The following TATDN1 variants were observed in gnomAD, a reference collection of about 807,000 sequenced individuals.
The protein encoded by TATDN1 is deoxyribonuclease TATDN1.
Under a neutral mutation model 46.4 loss-of-function variants are expected in TATDN1, and 40 were observed. The observed-to-expected ratio is 0.86, with a 90% CI of 0.67 to 1.12. TATDN1 has a LOEUF of 1.12. Among genes scored for constraint, TATDN1 ranks in the 50% most tolerant of loss-of-function variants. The pLI, the probability that TATDN1 is intolerant of heterozygous loss-of-function variation, is 0.00. For synonymous variants in TATDN1, 95 were observed against 105.6 expected, an observed-to-expected ratio of 0.90 and a Z score of 0.62; for missense variants, 326 against 348.4, an observed-to-expected ratio of 0.94 and a Z score of 0.51.
intron 9 of TATDN1, among the ~76,000 whole-genome samples, chr8:124,501,988 A>G (rs1451795507): frequency 1.3e-5 from 2 of 152,210 alleles, no homozygotes; most frequent in Non-Finnish European, 2.9e-5. Flanking sequence ...GACAGTATAA[A>G]TTCTCAATGA....
chr8:124,538,366 C>T (rs980418359), intron 1 of TATDN1: 2 of 153,066 alleles, frequency 1.3e-5, no homozygotes, highest in Non-Finnish European at 2.9e-5. Context: ...TGTCATTTCC[C>T]ACCTTCAGGT....
intron 1 of TATDN1, among the ~76,000 whole-genome samples, chr8:124,536,766 CT>C (rs1220884362): frequency 6.6e-6 from 1 of 152,054 alleles, no homozygotes; most frequent in Non-Finnish European, 1.5e-5. Context: ...TTGTTCAGAA[CT>C]CATTATTAGG....
chr8:124,498,982 TGGG>T (rs1375950769), intron 9 of TATDN1, among the ~76,000 whole-genome samples: 5 of 142,226 alleles, frequency 3.5e-5, no homozygotes, highest in Non-Finnish European at 6.1e-5. Context: ...ATTTAAGAGA[TGGG>T]GGTCTCATTA....
rs1033070013 is a variant in TATDN1, at chr8:124,522,820, G to A, written c.88+117C>T. 2.2e-5 allele frequency: 19 copies of A among 865,354 alleles called. No homozygotes were observed. The East Asian group carries it at 4.6e-4, about 21-fold the overall frequency. The allele number at this position is 865,354 out of a possible 1,614,324, so 53.6% of individuals were successfully genotyped here. A position where few individuals can be genotyped will look rare whatever the true frequency, so the allele number is the denominator to read the frequency against. On this transcript the variant is annotated intron_variant, in intron 2 of 11. Transcript: ENST00000276692. ...TCCTCCTGCCTCAGACTCCCAAAGTGCTGAGATTACAGGTGTGAGCCACAA... is the reference window on the plus strand; with the variant it reads ...TCCTCCTGCCTCAGACTCCCAAAGTACTGAGATTACAGGTGTGAGCCACAA...
Position 124,539,013 on chromosome 8 carries a change from C to T in TATDN1, c.22+12G>A. The T allele has an allele frequency of 1.2e-6, 2 of 1,614,154 alleles. No homozygotes were observed. Among genetic ancestry groups the T allele is most frequent in the Non-Finnish European group, 1.7e-6 (2 of 1,180,016 alleles). ...CAGAAAGACCCAAGGGCGTGGAAAA[C>T]GCTCCTCTTACCGATAAACTTGAAG... On this transcript the variant is annotated intron_variant, in intron 1 of 11. Coordinates refer to ENST00000276692, the MANE Select transcript of TATDN1 (RefSeq NM_032026.4).
intron 11 of TATDN1, among the ~76,000 whole-genome samples, chr8:124,492,655 G>A (rs1193532060): frequency 6.6e-6 from 1 of 150,818 alleles, no homozygotes; most frequent in East Asian, 2.0e-4. Context: ...TTGGGAGGCT[G>A]AGGCAGGAGA....
At chr8:124,507,950 T>C (rs1161792537) in intron 8 of TATDN1, among the ~76,000 whole-genome samples, 1 of 152,246 alleles carries the variant, frequency 6.6e-6, no homozygotes, top group Non-Finnish European at 1.5e-5. Context: ...ACAGTAAATT[T>C]ACATGTCTTT....
At chr8:124,512,820 A>G (rs1819139382) in intron 6 of TATDN1, among the ~76,000 whole-genome samples, 1 of 152,198 alleles carries the variant, frequency 6.6e-6, no homozygotes, top group African/African-American at 2.4e-5. Context: ...AACAGATTGC[A>G]TGCTGTGAGT....
intron 9 of TATDN1, among the ~76,000 whole-genome samples, chr8:124,496,280 C>A (rs1400242149): frequency 6.6e-6 from 1 of 152,202 alleles, no homozygotes; most frequent in Non-Finnish European, 1.5e-5. Context: ...TATGCTCCCA[C>A]TCTCAAAATT....
At chr8:124,533,079 C>T (rs1430794001) in intron 1 of TATDN1, among the ~76,000 whole-genome samples, 4 of 151,970 alleles carry the variant, frequency 2.6e-5, no homozygotes, top group African/African-American at 7.3e-5. Flanking sequence ...GGTAAAACCC[C>T]GTCTCTACTA....
intron 11 of TATDN1, among the ~76,000 whole-genome samples, chr8:124,490,902 C>T (rs1334709373): frequency 6.6e-6 from 1 of 152,002 alleles, no homozygotes; most frequent in East Asian, 1.9e-4. Flanking sequence ...CCTGCCTCAG[C>T]CTCCCAAGTA....
intron 1 of TATDN1, among the ~76,000 whole-genome samples, chr8:124,527,475 A>G (rs1472439411): frequency 2.0e-5 from 3 of 152,040 alleles, no homozygotes; most frequent in Non-Finnish European, 4.4e-5. Context: ...TCAGCAGAGG[A>G]GTGAGTCTTG....
rs557721840 is a variant in TATDN1, at chr8:124,524,802, G to C, written c.23-1800C>G. Among the ~76,000 whole-genome samples, 23 of 152,200 alleles carry C rather than the reference G, an allele frequency of 1.5e-4. No homozygotes were observed. The East Asian group carries it at 3.9e-3, about 26-fold the overall frequency. ...ATCAACAGATGAAAAATTACTAAGA[G>C]GAAACATCAAAGGTGAGGGAAGATT... On this transcript the variant is annotated intron_variant, in intron 1 of 11. Coordinates refer to ENST00000276692, the MANE Select transcript of TATDN1 (RefSeq NM_032026.4).
intron 1 of TATDN1, among the ~76,000 whole-genome samples, chr8:124,534,009 G>C (rs1326821735): frequency 6.6e-6 from 1 of 151,740 alleles, no homozygotes; most frequent in African/African-American, 2.4e-5. Flanking sequence ...AGCCGGGCGT[G>C]GTAGTGGGCG....
Position 124,539,016 on chromosome 8 carries a change from T to G in TATDN1, c.22+9A>C, listed in dbSNP as rs1821771950. ...AAAGACCCAAGGGCGTGGAAAACGCTCCTCTTACCGATAAACTTGAAGCGA... is the reference window on the plus strand; with the variant it reads ...AAAGACCCAAGGGCGTGGAAAACGCGCCTCTTACCGATAAACTTGAAGCGA... On this transcript the variant is annotated intron_variant, in intron 1 of 11. Coordinates refer to ENST00000276692, the MANE Select transcript of TATDN1 (RefSeq NM_032026.4). 6.2e-7 allele frequency: 1 copy of G among 1,613,942 alleles called. No homozygotes were observed. Among genetic ancestry groups the G allele is most frequent in the Non-Finnish European group, 8.5e-7 (1 of 1,180,002 alleles).
intron 1 of TATDN1, among the ~76,000 whole-genome samples, chr8:124,527,657 C>CA (rs1820615096): frequency 6.6e-6 from 1 of 152,012 alleles, no homozygotes; most frequent in African/African-American, 2.4e-5. Flanking sequence ...TCCATTCAGT[C>CA]AGTCGGGTGG....
chr8:124,516,530 G>A (rs1349773892), intron 4 of TATDN1, among the ~76,000 whole-genome samples: 10 of 151,290 alleles, frequency 6.6e-5, no homozygotes, highest in Non-Finnish European at 8.8e-5. Flanking sequence ...GGCTGGTCTC[G>A]AACTCCTGAG....
chr8:124,502,827 G>A (rs533689403), intron 9 of TATDN1, among the ~76,000 whole-genome samples: 1 of 152,172 alleles, frequency 6.6e-6, no homozygotes, highest in Admixed American at 6.5e-5. Context: ...CACATAGCAA[G>A]ACCCTGTCTC....
chr8:124,510,890 A>G (rs1818948692), intron 6 of TATDN1, among the ~76,000 whole-genome samples: 1 of 152,192 alleles, frequency 6.6e-6, no homozygotes, highest in Non-Finnish European at 1.5e-5. Context: ...ACATAATTCA[A>G]GAAAAGAAAG....
Sources: allele counts gnomAD v4.1 joint callset (sites outside exome capture counted in the v4.1 genomes callset), GRCh38; gene constraint gnomAD v4.1.1; transcripts MANE v1.5; gene names NCBI Gene and HGNC (gene_info 2026-07-23, HGNC 2026-07-21).